ULK3: variants seen among roughly 807,000 people sequenced by gnomAD.
The protein encoded by ULK3 is unc-51 like kinase 3.
In ULK3, 54 loss-of-function variants were observed where a neutral mutation model predicts 69.4. That is an observed-to-expected ratio of 0.78 (90% confidence interval 0.63 to 0.98). The LOEUF (loss-of-function observed/expected upper bound fraction) is 0.98, where lower values mean the gene tolerates loss of function less well. Ranked by LOEUF, ULK3 falls within the 50% of genes least tolerant of loss-of-function variation. The pLI is 0.00. For synonymous variants in ULK3, 240 were observed against 254.5 expected, an observed-to-expected ratio of 0.94 and a Z score of 0.54; for missense variants, 558 against 627.7, an observed-to-expected ratio of 0.89 and a Z score of 1.19.
Position 74,838,431 on chromosome 15 carries a change from G to A in ULK3, c.1167+9C>T. Reference sequence around the variant, plus strand: ...CCGACCCACCTGGACCCCTCCCACTGGCACAAACCTTGGCCATGGCAGCTG... The same window carrying A: ...CCGACCCACCTGGACCCCTCCCACTAGCACAAACCTTGGCCATGGCAGCTG... On this transcript the variant is annotated intron_variant, in intron 11 of 15. Coordinates refer to ENST00000440863, the MANE Select transcript of ULK3 (RefSeq NM_001099436.4). 2 of 1,572,548 alleles carry A rather than the reference G, an allele frequency of 1.3e-6. No individual in the cohort carries two copies. The highest frequency in any genetic ancestry group is 1.7e-6 in the Non-Finnish European group (2 of 1,158,932).
Position 74,842,137 on chromosome 15 carries a change from C to T in ULK3, c.302G>A (p.Arg101His), listed in dbSNP as rs34945944. ...CAGAATCCTGCGGGTATGGATGAAG[C>T]GAGACAGGTCGCCCCCTGCGCAAAA... ...MEFCAGGDLSRFIHTRRILPE... is the reference protein window; with the variant it reads ...MEFCAGGDLSHFIHTRRILPE... The change falls in exon 3 of 16, where the codon CGC becomes CAC. Residue 101 changes from arginine (R) to histidine (H), a missense_variant. By Grantham distance (29) the Arg-to-His change is conservative (BLOSUM62 0). Coordinates refer to ENST00000440863, the MANE Select transcript of ULK3 (RefSeq NM_001099436.4). The surrounding 1 kb of genome is among the most constrained non-coding windows in gnomAD (Gnocchi z 4.9). 7,248 of 1,613,936 alleles carry T rather than the reference C, an allele frequency of 4.5e-3. 285 individuals are homozygous for T. In the African/African-American group the frequency reaches 0.086, roughly 19 times the overall value.
rs747324005 is a variant in ULK3 at position 74,841,407 on chromosome 15, G to A, written c.467C>T (p.Ala156Val). 14 of 1,613,168 alleles carry A rather than the reference G, an allele frequency of 8.7e-6. No homozygotes were observed. Among genetic ancestry groups the A allele is most frequent in the African/African-American group, 2.7e-5 (2 of 74,892 alleles). The change falls in exon 4 of 16, where the codon GCA becomes GTA. Residue 156 changes from alanine (A) to valine (V), a missense_variant and splice_region_variant. Coordinates refer to ENST00000440863, the MANE Select transcript of ULK3 (RefSeq NM_001099436.4). ...TCCCTGCTGTTTCAGACACAGACCT[G>A]CCAGTTTTAGGTGGGGCTTCTCCAA... ...SSLEKPHLKL[A>V]DFGFAQHMSP...
intron 4 of ULK3, 81 bp downstream of exon 4, chr15:74,841,324 A>C: frequency 8.3e-7 from 1 of 1,211,234 alleles, no homozygotes; most frequent in Non-Finnish European, 1.2e-6. Flanking sequence ...GCTCCATAAG[A>C]ACCAGGGCTG....
At position 74,842,832 on chromosome 15, in the gene ULK3, C is replaced by A; in HGVS notation, c.102+172G>T. The A allele has an allele frequency of 7.4e-7, 1 of 1,359,382 alleles. No homozygotes were observed. Among genetic ancestry groups the A allele is most frequent in the Non-Finnish European group, 9.8e-7 (1 of 1,016,030 alleles). The allele number at this position is 1,359,382 out of a possible 1,614,324, so 84.2% of individuals were successfully genotyped here. A position where few individuals can be genotyped will look rare whatever the true frequency, so the allele number is the denominator to read the frequency against. On this transcript the variant is annotated intron_variant, in intron 1 of 15. Coordinates refer to ENST00000440863, the MANE Select transcript of ULK3 (RefSeq NM_001099436.4). This position sits in a 1 kb window ranked among gnomAD's most constrained non-coding sequence, Gnocchi z 4.9. ...CCCTGCAGGTGGGTGCAGGTGCGCT[C>A]TTTAAGACCTAAGCGTGGCAGTCGG...
rs749969074 is a variant in ULK3 at position 74,842,457 on chromosome 15, G to T, written c.103-37C>A. Reference sequence around the variant, plus strand: ...GAGATTTGGGGACTCTGCCTTGAGGGGGCCAGGACCCTTGTCTGACTGGAA... The same window carrying T: ...GAGATTTGGGGACTCTGCCTTGAGGTGGCCAGGACCCTTGTCTGACTGGAA... On this transcript the variant is annotated intron_variant, in intron 1 of 15. Coordinates refer to ENST00000440863, the MANE Select transcript of ULK3 (RefSeq NM_001099436.4). The surrounding 1 kb of genome is among the most constrained non-coding windows in gnomAD (Gnocchi z 4.9). 1.9e-6 allele frequency: 3 copies of T among 1,613,372 alleles called. 1 individual carries two copies. The South Asian group carries it at 3.3e-5, about 18-fold the overall frequency.
Position 74,842,408 on chromosome 15 carries a change from C to CACGAGTGT in ULK3, c.107_114dup (p.Glu39ThrfsTer6). On this transcript the variant is annotated frameshift_variant, in exon 2 of 16. Transcript: ENST00000440863. LOFTEE classifies it high-confidence loss of function. This position sits in a 1 kb window ranked among gnomAD's most constrained non-coding sequence, Gnocchi z 4.9. ...GCTACACACTTTATGGCTACCACTT[C>CACGAGTGT]ACGAGTGTCCTTCTGCGAGACAGGA... 6.2e-7 allele frequency: 1 copy of CACGAGTGT among 1,613,990 alleles called. No homozygotes were observed. The highest frequency in any genetic ancestry group is 2.2e-5 in the East Asian group (1 of 44,888).
At chr15:74,839,503 G>T in intron 7 of ULK3, 55 bp downstream of exon 7, 1 of 1,541,046 alleles carries the variant, frequency 6.5e-7, no homozygotes, top group Non-Finnish European at 8.7e-7. Flanking sequence ...ACCAACGGGG[G>T]CAAGGAGACC....
chr15:74,839,826 G>A, intron 6 of ULK3, 113 bp from the exon 7 acceptor site: 3 of 1,351,176 alleles, frequency 2.2e-6, no homozygotes, highest in Non-Finnish European at 2.0e-6. Flanking sequence ...TGGGGAATCT[G>A]AGACCGAGGA....
In ULK3 at chr15:74,837,457, C is replaced by T. The variant is rs374841140; in HGVS notation, c.1336-22G>A. On this transcript the variant is annotated intron_variant, in intron 14 of 15. Transcript: ENST00000440863. ...TCATCTGTGGGATGTGAAGGCAGCACAAGGGATGAGAGGCAGACACACGAG... is the reference window on the plus strand; with the variant it reads ...TCATCTGTGGGATGTGAAGGCAGCATAAGGGATGAGAGGCAGACACACGAG... 18 of 1,604,006 alleles carry T rather than the reference C, an allele frequency of 1.1e-5. No homozygotes were observed. In the African/African-American group the frequency reaches 2.3e-4, roughly 20 times the overall value.
Position 74,840,843 on chromosome 15 carries a change from T to C in ULK3, c.470-202A>G, listed in dbSNP as rs2064220981. ...AACCTACCCATCCTTCCCAGCTCCC[T>C]TGGGCACCTTTTCCTAGGAAGCCCA... On this transcript the variant is annotated intron_variant, in intron 4 of 15. Coordinates refer to ENST00000440863, the MANE Select transcript of ULK3 (RefSeq NM_001099436.4). 1.8e-5 allele frequency: 12 copies of C among 658,266 alleles called. No homozygotes were observed. The South Asian group carries it at 2.8e-4, about 16-fold the overall frequency. 40.8% of individuals were successfully genotyped at this position (658,266 alleles called of 1,614,324 possible).
chr15:74,841,445 A>G lies in ULK3; in HGVS notation c.429T>C (p.Ile143=), dbSNP rs1240686018. Reference sequence around the variant, plus strand: ...GGGGCTTCTCCAAGGAGCTCAGTAGAATGTTCTGTGGCTTCAGATCCAGGT... The same window carrying G: ...GGGGCTTCTCCAAGGAGCTCAGTAGGATGTTCTGTGGCTTCAGATCCAGGT... ...ISHLDLKPQN[I]LLSSLEKPHL... Residue 143 remains isoleucine, a synonymous_variant, in exon 4 of 16, where the codon ATT becomes ATC. Coordinates refer to ENST00000440863, the MANE Select transcript of ULK3 (RefSeq NM_001099436.4). 6.2e-7 allele frequency: 1 copy of G among 1,613,920 alleles called. No homozygotes were observed. The highest frequency in any genetic ancestry group is 1.1e-5 in the South Asian group (1 of 91,080).
Position 74,842,803 on chromosome 15 carries a change from C to T in ULK3, c.102+201G>A. 1 of 1,441,602 alleles carries T rather than the reference C, an allele frequency of 6.9e-7. No homozygotes were observed. The highest frequency in any genetic ancestry group is 9.2e-7 in the Non-Finnish European group (1 of 1,082,502). The allele number at this position is 1,441,602 out of a possible 1,614,324, so 89.3% of individuals were successfully genotyped here. ...CTGTTTTGAGCCTGTTCTTCAGCCA[C>T]TGACCCTGCAGGTGGGTGCAGGTGC... On this transcript the variant is annotated intron_variant, in intron 1 of 15. Transcript: ENST00000440863. This position sits in a 1 kb window ranked among gnomAD's most constrained non-coding sequence, Gnocchi z 4.9.
chr15:74,841,675 T>G (rs1045535953), intron 3 of ULK3, among the ~76,000 whole-genome samples, 166 bp from the exon 4 acceptor site: 3 of 152,174 alleles, frequency 2.0e-5, no homozygotes, highest in African/African-American at 7.2e-5. Context: ...TCTAGGAGTT[T>G]GCCACCCCAC....
chr15:74,838,371 T>G, intron 11 of ULK3, 27 bp from the exon 12 acceptor site: 1 of 1,563,820 alleles, frequency 6.4e-7, no homozygotes, highest in Non-Finnish European at 8.7e-7. Flanking sequence ...ACCAGGCTGC[T>G]TAGGGTCATG....
At chr15:74,841,846 T>C (rs2064261855) in intron 3 of ULK3, among the ~76,000 whole-genome samples, 1 of 152,244 alleles carries the variant, frequency 6.6e-6, no homozygotes, top group South Asian at 2.1e-4. Context: ...CCTTATATTA[T>C]GTTCTATGTA....
Position 74,838,517 on chromosome 15 carries a change from G to A in ULK3, c.1103-13C>T. Reference sequence around the variant, plus strand: ...TCCCGGGCCATCTCTGAGATGAGGGGAAAGGCTCAGGGTGAGGGAAGCAAC... The same window carrying A: ...TCCCGGGCCATCTCTGAGATGAGGGAAAAGGCTCAGGGTGAGGGAAGCAAC... On this transcript the variant is annotated splice_polypyrimidine_tract_variant and intron_variant, in intron 10 of 15. Transcript: ENST00000440863. 6.4e-7 allele frequency: 1 copy of A among 1,570,238 alleles called. No homozygotes were observed. Among genetic ancestry groups the A allele is most frequent in the Non-Finnish European group, 8.6e-7 (1 of 1,157,636 alleles).
At chr15:74,838,982 C>A in intron 9 of ULK3, 28 bp downstream of exon 9, 2 of 1,588,748 alleles carry the variant, frequency 1.3e-6, no homozygotes, top group East Asian at 2.3e-5. Context: ...CCCTGCCCCC[C>A]CACTTCCTCA....
At chr15:74,840,161 G>A in intron 6 of ULK3, 73 bp downstream of exon 6, 1 of 1,515,630 alleles carries the variant, frequency 6.6e-7, no homozygotes, top group South Asian at 1.2e-5. Context: ...CTGCAGGTCA[G>A]AACGAGGTCT....
At chr15:74,837,609 A>G (rs527743297) in intron 14 of ULK3, 142 bp downstream of exon 14, 1 of 1,349,232 alleles carries the variant, frequency 7.4e-7, no homozygotes, top group East Asian at 2.5e-5. Flanking sequence ...CAAGAGAGAG[A>G]GTGAAGGGCA....
Sources: allele counts gnomAD v4.1 joint callset (sites outside exome capture counted in the v4.1 genomes callset), GRCh38; gene constraint gnomAD v4.1.1; non-coding constraint Gnocchi (gnomAD v3.1); transcripts MANE v1.5; gene names NCBI Gene and HGNC (gene_info 2026-07-23, HGNC 2026-07-21).